STYK1: variants seen among roughly 807,000 people sequenced by gnomAD.
The protein encoded by STYK1 is STY kinase 1.
In STYK1, 46 loss-of-function variants were observed where a neutral mutation model predicts 48.1. That is an observed-to-expected ratio of 0.96 (90% CI 0.75 to 1.22). The LOEUF (loss-of-function observed/expected upper bound fraction) is 1.22. Among genes scored for constraint, STYK1 ranks in the 50% most tolerant of loss-of-function variants. STYK1 has a pLI of 0.00. For missense variants in STYK1, 527 were observed against 521.1 expected (o/e 1.01, Z -0.11); for synonymous variants, 188 against 189.0 (o/e 0.99, Z 0.04).
Position 10,620,017 on chromosome 12 carries a change from A to G in STYK1, c.*127T>C. 9.4e-7 allele frequency: 1 copy of G among 1,061,188 alleles called. No individual in the cohort carries two copies. The highest frequency in any genetic ancestry group is 1.4e-6 in the Non-Finnish European group (1 of 710,026). 65.7% of individuals were successfully genotyped at this position (1,061,188 alleles called of 1,614,324 possible). Reference sequence around the variant, plus strand: ...ATTTCAGATTTCCCGAGAAATGTGTAAAGGAAGATCAAGAATCCATGTCCC... The same window carrying G: ...ATTTCAGATTTCCCGAGAAATGTGTGAAGGAAGATCAAGAATCCATGTCCC... On this transcript the variant is annotated 3_prime_UTR_variant, in exon 11 of 11. Coordinates refer to ENST00000075503, the MANE Select transcript of STYK1 (RefSeq NM_018423.3).
chr12:10,627,578 G>C lies in STYK1; in HGVS notation c.717+63C>G, dbSNP rs145472347. On this transcript the variant is annotated intron_variant, in intron 7 of 10. Coordinates refer to ENST00000075503, the MANE Select transcript of STYK1 (RefSeq NM_018423.3). ...TGAGAATATTAATATGAGAAATATG[G>C]CATCAAAAACAAGGCTAACAAGGAA... The C allele has an allele frequency of 9.8e-4, 1,369 of 1,401,076 alleles. 12 individuals carry two copies. In the African/African-American group the frequency reaches 0.016, roughly 16 times the overall value. 86.8% of individuals were successfully genotyped at this position (1,401,076 alleles called of 1,614,324 possible). A position where few individuals can be genotyped will look rare whatever the true frequency, so the allele number is the denominator to read the frequency against.
chr12:10,629,542 T>C lies in STYK1; in HGVS notation c.584A>G (p.Glu195Gly). 1 of 1,614,162 alleles carries C rather than the reference T, an allele frequency of 6.2e-7. No individual in the cohort carries two copies. The highest frequency in any genetic ancestry group is 8.5e-7 in the Non-Finnish European group (1 of 1,180,030). ...TEKLPLYMVL[E>G]DVAQGDLLSF... ...GAGCAGGTCCCCCTGGGCCACATCC[T>C]CCAACACCATATAGAGTGGCAGCTT... Residue 195 changes from glutamate (E) to glycine (G), a missense_variant, in exon 6 of 11, where the codon GAG becomes GGG. Glu to Gly is a moderately conservative substitution (Grantham distance 98). Coordinates refer to ENST00000075503, the MANE Select transcript of STYK1 (RefSeq NM_018423.3).
At chr12:10,653,430 T>C (rs1329688056) in intron 1 of STYK1, among the ~76,000 whole-genome samples, 2 of 152,148 alleles carry the variant, frequency 1.3e-5, no homozygotes, top group Non-Finnish European at 2.9e-5. Context: ...CAAGATCTTA[T>C]GATTATTTAT....
At chr12:10,633,173 A>C (rs1263150285) in intron 4 of STYK1, among the ~76,000 whole-genome samples, 1 of 152,234 alleles carries the variant, frequency 6.6e-6, no homozygotes, top group East Asian at 1.9e-4. Context: ...TTGACAGATC[A>C]AGTAAGACGA....
chr12:10,665,820 ATATCAGCC>A (rs2120813123), intron 1 of STYK1, among the ~76,000 whole-genome samples: 1 of 152,308 alleles, frequency 6.6e-6, no homozygotes, highest in South Asian at 2.1e-4. Context: ...TTATACTAAG[ATATCAGCC>A]CCAAGGTAAG....
chr12:10,643,432 T>C (rs998540904), intron 1 of STYK1, among the ~76,000 whole-genome samples: 1 of 152,230 alleles, frequency 6.6e-6, no homozygotes, highest in African/African-American at 2.4e-5. Context: ...AATTCTTGCC[T>C]GAATTTTGCT....
intron 1 of STYK1, among the ~76,000 whole-genome samples, chr12:10,649,853 C>T (rs1040765542): frequency 6.6e-6 from 1 of 152,168 alleles, no homozygotes; most frequent in Admixed American, 6.5e-5. Context: ...TGGTTCACGC[C>T]GGTAATCCCA....
intron 1 of STYK1, among the ~76,000 whole-genome samples, chr12:10,658,632 C>T (rs1591701042): frequency 6.6e-6 from 1 of 152,102 alleles, no homozygotes; most frequent in Non-Finnish European, 1.5e-5. Context: ...TTAATCTTTT[C>T]GTATTAGGTC....
intron 4 of STYK1, 144 bp from the exon 5 acceptor site, chr12:10,631,452 A>G: frequency 9.7e-7 from 1 of 1,029,920 alleles, no homozygotes; most frequent in Non-Finnish European, 1.4e-6. Context: ...TTCTCTATAA[A>G]CCAGCATCAA....
intron 1 of STYK1, among the ~76,000 whole-genome samples, chr12:10,650,053 A>C (rs914796723): frequency 8.1e-5 from 11 of 136,426 alleles, no homozygotes; most frequent in Non-Finnish European, 1.5e-4. Context: ...CGGAGCTTGC[A>C]GTGAGCCGAG....
chr12:10,663,048 A>C (rs747816124), intron 1 of STYK1, among the ~76,000 whole-genome samples: 1 of 152,168 alleles, frequency 6.6e-6, no homozygotes, highest in Non-Finnish European at 1.5e-5. Context: ...TGAATATCCA[A>C]TTGTCCCAGC....
At chr12:10,668,869 A>G (rs528898433) in intron 1 of STYK1, among the ~76,000 whole-genome samples, 19 of 152,310 alleles carry the variant, frequency 1.2e-4, no homozygotes, top group Non-Finnish European at 2.2e-4. Context: ...TGGAGAGCAC[A>G]GTCAGCTTCT....
chr12:10,667,318 T>C (rs1947843615), intron 1 of STYK1: 2 of 152,154 alleles, frequency 1.3e-5, no homozygotes. Flanking sequence ...TGTCAATTGT[T>C]AAGAATTAGC....
chr12:10,634,539 G>A, intron 3 of STYK1, 28 bp downstream of exon 3: 1 of 1,607,350 alleles, frequency 6.2e-7, no homozygotes, highest in Non-Finnish European at 8.5e-7. Flanking sequence ...AAAATCAGAG[G>A]ATAGACATCT....
chr12:10,634,573 A>G lies in STYK1; in HGVS notation c.46T>C (p.Leu16=). The part of the protein sequence containing the change: ...MLLECSLSDK[L]CVIQEKQYEV... ...CTGTGGAATCCGTACTTACCACACA[A>G]CTTGTCACTGAGACTGCATTCCAGG... Residue 16 remains leucine (L), a synonymous_variant, in exon 3 of 11, where the codon TTG becomes CTG. Transcript: ENST00000075503. 2 of 1,614,030 alleles carry G rather than the reference A, an allele frequency of 1.2e-6. No homozygotes were observed. The highest frequency in any genetic ancestry group is 1.7e-6 in the Non-Finnish European group (2 of 1,179,978).
rs774167084 is a variant in STYK1, at chr12:10,634,116, C to T, written c.61G>A (p.Glu21Lys). The T allele has an allele frequency of 1.9e-6, 3 of 1,612,174 alleles. No homozygotes were observed. The highest frequency in any genetic ancestry group is 4.5e-5 in the East Asian group (2 of 44,736). The change falls in exon 4 of 11, where the codon GAG becomes AAG. Residue 21 changes from glutamate (E) to lysine (K), a missense_variant. Transcript: ENST00000075503. Reference protein sequence around the residue: ...SLSDKLCVIQEKQYEVIIVPT... With the variant: ...SLSDKLCVIQKKQYEVIIVPT... ...ACGATAATCACTTCATACTGCTTCT[C>T]CTGGATGACTGGGTAGGCGATCACA... is the stretch of plus-strand genomic sequence containing the variant.
At position 10,620,244 on chromosome 12, in the gene STYK1, T is replaced by C; in HGVS notation, c.1169A>G (p.Glu390Gly). The C allele has an allele frequency of 6.2e-7, 1 of 1,613,922 alleles. No homozygotes were observed. The highest frequency in any genetic ancestry group is 8.5e-7 in the Non-Finnish European group (1 of 1,179,808). Residue 390 changes from glutamate to glycine, a missense_variant, in exon 11 of 11, where the codon GAG (glutamate) becomes GGG (glycine). Coordinates refer to ENST00000075503, the MANE Select transcript of STYK1 (RefSeq NM_018423.3). ...LEAAIKTADDEAVLQVPELVV... is the reference protein window; with the variant it reads ...LEAAIKTADDGAVLQVPELVV... ...CAACTCTGGTACTTGTAACACAGCC[T>C]CGTCATCTGCAGTTTTAATGGCAGC...
intron 8 of STYK1, 123 bp from the exon 9 acceptor site, chr12:10,622,801 T>G: frequency 8.8e-7 from 1 of 1,135,830 alleles, no homozygotes; most frequent in South Asian, 1.4e-5. Context: ...GAATCAAGGA[T>G]GAGTGTCTGA....
chr12:10,628,405 A>G (rs187193826), intron 6 of STYK1, among the ~76,000 whole-genome samples: 1 of 152,256 alleles, frequency 6.6e-6, no homozygotes, highest in Non-Finnish European at 1.5e-5. Context: ...CAAGAAAAAC[A>G]TATAAAGATA....
Sources: gnomAD v4.1 joint callset for allele counts (sites outside exome capture counted in the v4.1 genomes callset) on GRCh38, gnomAD v4.1.1 for gene constraint, MANE v1.5 for transcripts, NCBI Gene and HGNC (gene_info 2026-07-23, HGNC 2026-07-21) for gene names.